RYR3: variants seen among roughly 807,000 people sequenced by gnomAD.
RYR3 encodes ryanodine receptor 3.
Under a neutral mutation model 584.3 loss-of-function variants are expected in RYR3, and 207 were observed. The ratio of observed to expected loss-of-function variants is 0.35; its 90% CI spans 0.32 to 0.40. The LOEUF is 0.40. Ranked by LOEUF, RYR3 falls within the 10% of genes least tolerant of loss-of-function variation. The pLI is 1.00. For missense variants in RYR3, 5,616 were observed against 6,089.2 expected (o/e 0.92, Z 2.59); for synonymous variants, 2,416 against 2,248.5 (o/e 1.07, Z -2.11).
Position 33,548,156 on chromosome 15 carries a change from C to T in RYR3, c.767C>T (p.Ala256Val), listed in dbSNP as rs1219381925. The part of the protein sequence containing the change: ...HRRIFYEAGG[A>V]GTRARSLWRV... ...AGGATATTCTACGAAGCTGGGGGAG[C>T]TGGGACTCGAGCCAGGTCTCTTTGG... Residue 256 changes from alanine to valine, a missense_variant, in exon 9 of 104, where the codon GCT (alanine) becomes GTT (valine). This residue lies in a region of RYR3 where 1,284 missense variants were observed against 1,344.6 expected (regional missense o/e 0.95). Coordinates refer to ENST00000634891, the MANE Select transcript of RYR3 (RefSeq NM_001036.6). 1.9e-6 allele frequency: 3 copies of T among 1,612,656 alleles called. No individual in the cohort carries two copies. Among genetic ancestry groups the T allele is most frequent in the African/African-American group, 1.3e-5 (1 of 74,902 alleles).
intron 4 of RYR3, among the ~76,000 whole-genome samples, chr15:33,532,590 GATAA>G (rs1407632828): frequency 2.6e-5 from 4 of 151,338 alleles, no homozygotes; most frequent in African/African-American, 4.8e-5. Flanking sequence ...ACACATTCTT[GATAA>G]ATACTCAATA....
intron 32 of RYR3, among the ~76,000 whole-genome samples, chr15:33,658,924 A>AC (rs1447104857): frequency 6.6e-6 from 1 of 151,740 alleles, no homozygotes; most frequent in African/African-American, 2.4e-5. Context: ...GTCCAGAGGA[A>AC]CCCGGGGAGA....
Position 33,545,056 on chromosome 15 carries a change from ATAAC to A in RYR3, c.740+1345_740+1348del, listed in dbSNP as rs539185298. Reference sequence around the variant, plus strand: ...AAGGGGAAGGTTTGCAGGTAGATGAATAACTAAGATTTTATGAGTTTTGCAGGGT... The same window carrying A: ...AAGGGGAAGGTTTGCAGGTAGATGAATAAGATTTTATGAGTTTTGCAGGGT... On this transcript the variant is annotated intron_variant, in intron 8 of 103. Transcript: ENST00000634891. 1.3e-3 allele frequency among the ~76,000 whole-genome samples: 197 copies of A among 152,284 alleles called. 1 individual carries two copies. The highest frequency in any genetic ancestry group is 4.2e-3 in the African/African-American group (173 of 41,556).
rs1567121773 is a variant in RYR3 at position 33,763,904 on chromosome 15, A to AAAAAAAAAAAAAAAAAAAAC, written c.8706-4742_8706-4741insAAAAAAACAAAAAAAAAAAA. On this transcript the variant is annotated intron_variant, in intron 60 of 103. Coordinates refer to ENST00000634891, the MANE Select transcript of RYR3 (RefSeq NM_001036.6). ...CGAGACTTCATCTCAAAAAAAAAAAAAAAAAAAAAAAATCAGGAAACAACA... is the reference window on the plus strand; with the variant it reads ...CGAGACTTCATCTCAAAAAAAAAAAAAAAAAAAAAAAAAAAAAAACAAAAAAAAAAAATCAGGAAACAACA... Among the ~76,000 whole-genome samples the AAAAAAAAAAAAAAAAAAAAC allele has an allele frequency of 4.6e-5, 6 of 130,574 alleles. 1 individual carries two copies. The highest frequency in any genetic ancestry group is 2.0e-4 in the African/African-American group (6 of 30,474). 85.7% of individuals were successfully genotyped at this position (130,574 alleles called of 152,430 possible). A position where few individuals can be genotyped will look rare whatever the true frequency, so the allele number is the denominator to read the frequency against.
chr15:33,413,748 G>C (rs1288801067), intron 1 of RYR3, among the ~76,000 whole-genome samples: 1 of 152,096 alleles, frequency 6.6e-6, no homozygotes, highest in Non-Finnish European at 1.5e-5. Flanking sequence ...GCTGTTTCTG[G>C]GCCCCTGAGT....
chr15:33,761,537 T>C (rs1337491069), intron 60 of RYR3, among the ~76,000 whole-genome samples: 2 of 152,052 alleles, frequency 1.3e-5, no homozygotes, highest in Non-Finnish European at 2.9e-5. Context: ...ACATACACCC[T>C]CCCAAGACTA....
At position 33,865,304 on chromosome 15, in the gene RYR3, C is replaced by T. The variant is rs944298109; in HGVS notation, c.*78C>T. The T allele has an allele frequency of 1.0e-6, 1 of 955,116 alleles. No individual in the cohort carries two copies. Among genetic ancestry groups the T allele is most frequent in the African/African-American group, 1.6e-5 (1 of 60,706 alleles). The allele number at this position is 955,116 out of a possible 1,614,324, so 59.2% of individuals were successfully genotyped here. ...AAGTCCCCTTTTTACAGTTCTGCAA[C>T]ATATCTGAAATGTGACATTTTCTAA... On this transcript the variant is annotated 3_prime_UTR_variant, in exon 104 of 104. Transcript: ENST00000634891.
At chr15:33,626,783 C>A (rs1046071312) in intron 20 of RYR3, among the ~76,000 whole-genome samples, 1 of 152,256 alleles carries the variant, frequency 6.6e-6, no homozygotes, top group East Asian at 1.9e-4. Flanking sequence ...AAGCCCCAGG[C>A]CTTGGTAGCT....
chr15:33,722,805 G>A lies in RYR3; in HGVS notation c.6710G>A (p.Gly2237Glu), dbSNP rs1402878006. 6.2e-7 allele frequency: 1 copy of A among 1,613,184 alleles called. No homozygotes were observed. The highest frequency in any genetic ancestry group is 8.5e-7 in the Non-Finnish European group (1 of 1,179,646). Residue 2237 changes from glycine to glutamate, a missense_variant, in exon 44 of 104, where the codon GGA (glycine) becomes GAA (glutamate). By Grantham distance (98) the Gly-to-Glu change is moderately conservative. Coordinates refer to ENST00000634891, the MANE Select transcript of RYR3 (RefSeq NM_001036.6). ...CFGPALRGEG[G>E]NGLLAAMQGA... The stretch of plus-strand genomic sequence containing the variant: ...GGCCCGGCCCTGCGGGGTGAGGGGG[G>A]AAACGGGCTCTTGGCAGCCATGCAG...
intron 85 of RYR3, among the ~76,000 whole-genome samples, chr15:33,829,097 CA>C (rs2077527353): frequency 6.6e-6 from 1 of 151,950 alleles, no homozygotes; most frequent in African/African-American, 2.4e-5. Context: ...TATGGAAAAA[CA>C]AAGCTTGGAT....
chr15:33,771,064 C>T (rs2073528270), intron 62 of RYR3, among the ~76,000 whole-genome samples: 1 of 152,160 alleles, frequency 6.6e-6, no homozygotes, highest in Non-Finnish European at 1.5e-5. Context: ...TTCCAGAGGT[C>T]TGATTAAGCT....
In RYR3 at chr15:33,365,178, G is replaced by A. The variant is rs547244693; in HGVS notation, c.51+54082G>A. On this transcript the variant is annotated intron_variant, in intron 1 of 103. Transcript: ENST00000634891. ...CTGGTGCAGAAAGAGTCACAGCATA[G>A]GACAGACTGGATAACCCTCCTCCTT... is the stretch of plus-strand genomic sequence containing the variant. Among the ~76,000 whole-genome samples the A allele has an allele frequency of 2.6e-5, 4 of 152,304 alleles. No homozygotes were observed. The South Asian group carries it at 6.2e-4, about 24-fold the overall frequency.
chr15:33,852,461 C>A (rs987721305), intron 94 of RYR3: 1 of 154,300 alleles, frequency 6.5e-6, no homozygotes, highest in African/African-American at 2.4e-5. Context: ...AGGGATCCAA[C>A]TCCTGGAGGA....
intron 1 of RYR3, among the ~76,000 whole-genome samples, chr15:33,374,364 ATGTGTGTGTGTGTGTG>A (rs138831585): frequency 2.1e-4 from 30 of 145,026 alleles, no homozygotes; most frequent in African/African-American, 6.8e-4. Flanking sequence ...GTACGAGTGT[ATGTGTGTGTGTGTGTG>A]TGTGTGTGTG....
At chr15:33,680,805 T>C (rs2064544120) in intron 38 of RYR3, among the ~76,000 whole-genome samples, 1 of 152,204 alleles carries the variant, frequency 6.6e-6, no homozygotes. Flanking sequence ...GTGCTATGTA[T>C]GTGGTCAGTA....
At chr15:33,694,330 C>T (rs537568376) in intron 38 of RYR3, among the ~76,000 whole-genome samples, 17 of 151,748 alleles carry the variant, frequency 1.1e-4, no homozygotes, top group South Asian at 6.3e-4. Context: ...CTGCAAGCTC[C>T]GCCTCCCGGG....
intron 1 of RYR3, among the ~76,000 whole-genome samples, chr15:33,389,001 C>G (rs2041818181): frequency 7.0e-6 from 1 of 142,106 alleles, no homozygotes; most frequent in Admixed American, 7.6e-5. Context: ...GACAAAAAAC[C>G]AAACACCGCA....
At chr15:33,740,046 A>T in intron 51 of RYR3, 51 bp downstream of exon 51, 6 of 1,531,402 alleles carry the variant, frequency 3.9e-6, no homozygotes, top group Non-Finnish European at 4.5e-6. Flanking sequence ...CCAATAGCCA[A>T]TGTTTTCTTC....
intron 9 of RYR3, 65 bp downstream of exon 9, chr15:33,548,269 T>C (rs2056403175): frequency 1.0e-6 from 1 of 972,328 alleles, no homozygotes; most frequent in African/African-American, 1.7e-5. Flanking sequence ...GCCGTTCTCT[T>C]AAATATTTCA....
Sources: allele counts gnomAD v4.1 joint callset (sites outside exome capture counted in the v4.1 genomes callset), GRCh38; gene constraint gnomAD v4.1.1; regional missense constraint gnomAD v4.1.1; transcripts MANE v1.5; gene names NCBI Gene and HGNC (gene_info 2026-07-23, HGNC 2026-07-21).